The following ARL15 variants were observed in gnomAD, a reference collection of about 807,000 sequenced individuals.
ARL15 encodes the protein ADP-ribosylation factor-like protein 15.
In ARL15, 19 loss-of-function variants were observed where a neutral mutation model predicts 25.2. That is an observed-to-expected ratio of 0.75 (90% CI 0.53 to 1.10). The LOEUF is 1.10. ARL15 is among the 50% of genes least tolerant of loss of function. The pLI is 0.00. For missense variants in ARL15, 220 were observed against 246.0 expected (o/e 0.89, Z 0.71); for synonymous variants, 94 against 86.8 (o/e 1.08, Z -0.46).
intron 1 of ARL15, among the ~76,000 whole-genome samples, chr5:54,239,807 G>A (rs1432973130): frequency 6.6e-6 from 1 of 152,148 alleles, no homozygotes; most frequent in Non-Finnish European, 1.5e-5. Flanking sequence ...ATGGGAGGCT[G>A]GGTCCTGGAA....
intron 4 of ARL15, among the ~76,000 whole-genome samples, chr5:53,889,744 G>T (rs1175324303): frequency 1.3e-5 from 2 of 150,496 alleles, no homozygotes; most frequent in Non-Finnish European, 2.9e-5. Flanking sequence ...GGAATTTCAT[G>T]TTTCTAAAAA....
At chr5:53,943,168 G>A (rs571496891) in intron 4 of ARL15, among the ~76,000 whole-genome samples, 11 of 152,206 alleles carry the variant, frequency 7.2e-5, no homozygotes, top group Non-Finnish European at 1.5e-4. Context: ...ATTTTAACGG[G>A]CTATGTATAT....
chr5:54,045,322 G>C (rs1750472765), intron 4 of ARL15, among the ~76,000 whole-genome samples: 1 of 152,270 alleles, frequency 6.6e-6, no homozygotes, highest in East Asian at 1.9e-4. Context: ...CTGATTGCTT[G>C]AAAGTCCAGA....
intron 1 of ARL15, among the ~76,000 whole-genome samples, chr5:54,302,789 G>A (rs1579995144): frequency 7.2e-6 from 1 of 138,840 alleles, no homozygotes; most frequent in Middle Eastern, 4.2e-3. Flanking sequence ...TGGGAAGCCA[G>A]CCCTGCTAAA....
At chr5:54,125,297 G>A (rs1753213404) in intron 3 of ARL15, among the ~76,000 whole-genome samples, 1 of 152,122 alleles carries the variant, frequency 6.6e-6, no homozygotes, top group Admixed American at 6.5e-5. Flanking sequence ...GCCTCCCAAA[G>A]TGTTGGGATT....
At chr5:54,179,756 A>G in intron 1 of ARL15, among the ~76,000 whole-genome samples, 1 of 152,010 alleles carries the variant, frequency 6.6e-6, no homozygotes, top group African/African-American at 2.4e-5. Context: ...AGTGACTCAC[A>G]CCTGTAATCC....
chr5:54,201,331 G>A (rs1179392180), intron 1 of ARL15, among the ~76,000 whole-genome samples: 5 of 152,066 alleles, frequency 3.3e-5, no homozygotes, highest in African/African-American at 1.2e-4. Flanking sequence ...AAAGGAATAA[G>A]CTTTTGTGTT....
chr5:54,187,521 A>C (rs1283475234), intron 1 of ARL15, among the ~76,000 whole-genome samples: 2 of 152,322 alleles, frequency 1.3e-5, no homozygotes, highest in Admixed American at 1.3e-4. Flanking sequence ...ATTCTGACTG[A>C]ATGTGCCAGA....
intron 4 of ARL15, among the ~76,000 whole-genome samples, chr5:53,920,115 A>G (rs1745797417): frequency 6.6e-6 from 1 of 152,176 alleles, no homozygotes. Context: ...AACTTTTTAA[A>G]AAAAATGGAA....
chr5:53,891,898 G>A (rs1328025673), intron 4 of ARL15, among the ~76,000 whole-genome samples: 2 of 152,126 alleles, frequency 1.3e-5, no homozygotes, highest in African/African-American at 2.4e-5. Context: ...GCCAGCAGAC[G>A]GGGCTCCACT....
intron 4 of ARL15, among the ~76,000 whole-genome samples, chr5:54,048,527 C>A (rs1750605714): frequency 1.3e-5 from 2 of 150,602 alleles, no homozygotes; most frequent in South Asian, 4.2e-4. Flanking sequence ...CTAGGCTTCC[C>A]AAGTAGTTGG....
intron 1 of ARL15, among the ~76,000 whole-genome samples, chr5:54,242,205 A>G (rs1756976883): frequency 6.6e-6 from 1 of 152,182 alleles, no homozygotes; most frequent in South Asian, 2.1e-4. Flanking sequence ...TATAAGTTAC[A>G]TGTTAAATCC....
At chr5:54,006,169 C>A (rs1373194436) in intron 4 of ARL15, among the ~76,000 whole-genome samples, 1 of 151,980 alleles carries the variant, frequency 6.6e-6, no homozygotes, top group Non-Finnish European at 1.5e-5. Flanking sequence ...CTGGTTCCAT[C>A]CATGGTCTTA....
intron 4 of ARL15, among the ~76,000 whole-genome samples, chr5:53,925,163 C>T (rs1202975427): frequency 6.6e-6 from 1 of 151,504 alleles, no homozygotes; most frequent in Non-Finnish European, 1.5e-5. Flanking sequence ...TAACTTGGGC[C>T]ATTTAAAAAC....
intron 1 of ARL15, among the ~76,000 whole-genome samples, chr5:54,286,652 C>A (rs1758186170): frequency 6.6e-6 from 1 of 152,140 alleles, no homozygotes; most frequent in Admixed American, 6.6e-5. Flanking sequence ...CACGTAATAT[C>A]CAGGCAGATT....
At chr5:54,115,235 A>G (rs1752862654) in intron 3 of ARL15, among the ~76,000 whole-genome samples, 1 of 152,244 alleles carries the variant, frequency 6.6e-6, no homozygotes, top group Admixed American at 6.5e-5. Context: ...ATAGAGTACA[A>G]GAAAGTGCTG....
intron 1 of ARL15, among the ~76,000 whole-genome samples, chr5:54,214,563 C>T (rs943854022): frequency 6.6e-6 from 1 of 152,108 alleles, no homozygotes; most frequent in Non-Finnish European, 1.5e-5. Context: ...CATGCCTCAG[C>T]GTGTCCAGGA....
At chr5:54,105,194 G>A (rs530079730) in intron 4 of ARL15, among the ~76,000 whole-genome samples, 5 of 152,102 alleles carry the variant, frequency 3.3e-5, no homozygotes, top group African/African-American at 1.2e-4. Flanking sequence ...GGAATGTGTA[G>A]TGACTGAGTT....
intron 4 of ARL15, among the ~76,000 whole-genome samples, chr5:54,002,172 G>A (rs1355638086): frequency 6.6e-6 from 1 of 152,164 alleles, no homozygotes; most frequent in African/African-American, 2.4e-5. Flanking sequence ...TCAGAAATGT[G>A]TCCTTGGCTA....
Sources: gnomAD v4.1 joint callset for allele counts (sites outside exome capture counted in the v4.1 genomes callset) on GRCh38, gnomAD v4.1.1 for gene constraint, MANE v1.5 for transcripts, NCBI Gene and HGNC (gene_info 2026-07-23, HGNC 2026-07-21) for gene names.